TUFT1: variants seen among roughly 807,000 people sequenced by gnomAD.
TUFT1 encodes the protein tuftelin 1.
Under a neutral mutation model 57.8 loss-of-function variants are expected in TUFT1, and 43 were observed. That is an observed-to-expected ratio of 0.74 (90% CI 0.58 to 0.96). TUFT1 has a LOEUF of 0.96. TUFT1 is among the 40% of genes least tolerant of loss of function. The probability of loss-of-function intolerance (pLI) is 0.00; values close to 1 mark genes in which losing one functional copy is unlikely to be tolerated. For synonymous variants in TUFT1, 166 were observed against 176.7 expected (o/e 0.94, Z 0.48); for missense variants, 459 against 489.0 (o/e 0.94, Z 0.58).
chr1:151,557,627 T>A (rs553570620), intron 1 of TUFT1: 1 of 1,056,866 alleles, frequency 9.5e-7, no homozygotes, highest in South Asian at 1.3e-5. Context: ...AAGGAACAGT[T>A]TGCCTGGAGA....
chr1:151,561,128 G>A (rs1484767828), intron 1 of TUFT1, among the ~76,000 whole-genome samples: 1 of 151,802 alleles, frequency 6.6e-6, no homozygotes, highest in Non-Finnish European at 1.5e-5. Flanking sequence ...CGAGTAGCTG[G>A]GACTACAGGC....
chr1:151,575,440 A>G (rs896065443), intron 9 of TUFT1, among the ~76,000 whole-genome samples: 2 of 152,192 alleles, frequency 1.3e-5, no homozygotes, highest in African/African-American at 4.8e-5. Context: ...GAGCAGCTTC[A>G]TGAGGAGATA....
chr1:151,557,596 C>T (rs1665747331), intron 1 of TUFT1: 1 of 1,103,840 alleles, frequency 9.1e-7, no homozygotes, highest in Admixed American at 1.7e-5. Context: ...CATGCAGCCT[C>T]TCAAGTCCCG....
At chr1:151,572,830 T>C (rs1233418571) in intron 7 of TUFT1, among the ~76,000 whole-genome samples, 1 of 152,208 alleles carries the variant, frequency 6.6e-6, no homozygotes, top group African/African-American at 2.4e-5. Flanking sequence ...CCGTACTTTC[T>C]CCTCCCCAGT....
Position 151,560,959 on chromosome 1 carries a change from TGTGTGTGTGTG to T in TUFT1, c.61-1131_61-1121del, listed in dbSNP as rs1558007243. Among the ~76,000 whole-genome samples, 3 of 14,572 alleles carry T rather than the reference TGTGTGTGTGTG, an allele frequency of 2.1e-4. 1 individual carries two copies. The highest frequency in any genetic ancestry group is 5.7e-4 in the Non-Finnish European group (1 of 1,760). 9.6% of individuals were successfully genotyped at this position (14,572 alleles called of 152,430 possible). On this transcript the variant is annotated intron_variant, in intron 1 of 12. Transcript: ENST00000368849. ...TTTTAATTTTCCCTGCAAAGTATTG[TGTGTGTGTGTG>T]TGTGTGTGTGTGTGTGTGTGTGTGT...
intron 7 of TUFT1, among the ~76,000 whole-genome samples, chr1:151,570,599 ATTG>A (rs1666225666): frequency 6.6e-6 from 1 of 152,070 alleles, no homozygotes; most frequent in African/African-American, 2.4e-5. Flanking sequence ...TATATTAATT[ATTG>A]TTATAATACA....
intron 1 of TUFT1, among the ~76,000 whole-genome samples, chr1:151,541,154 G>A (rs1461562489): frequency 6.6e-6 from 1 of 152,074 alleles, no homozygotes; most frequent in Non-Finnish European, 1.5e-5. Flanking sequence ...GTCTCCAGCC[G>A]CCAGGCCCTG....
In TUFT1 at chr1:151,581,631, A is replaced by G. The variant is rs757924831; in HGVS notation, c.1110-13A>G. On this transcript the variant is annotated splice_polypyrimidine_tract_variant and intron_variant, in intron 12 of 12. Transcript: ENST00000368849. ...TTCCCAGCACAACTCAGTGTTTCCA[A>G]CCTTCTTTTCAGTATTAGGATATCC... 1.2e-5 allele frequency: 19 copies of G among 1,613,796 alleles called. No homozygotes were observed. The South Asian group carries it at 1.8e-4, about 15-fold the overall frequency.
Position 151,547,828 on chromosome 1 carries a change from C to A in TUFT1, c.60+7402C>A, listed in dbSNP as rs77943317. Among the ~76,000 whole-genome samples, 236 of 152,324 alleles carry A rather than the reference C, an allele frequency of 1.5e-3. 2 individuals are homozygous for A. Among genetic ancestry groups the A allele is most frequent in the African/African-American group, 5.5e-3 (227 of 41,574 alleles). On this transcript the variant is annotated intron_variant, in intron 1 of 12. Transcript: ENST00000368849. ...GAGCTCACTTCCCTCTACAGACACA[C>A]TGTCACTGCTAGGCCCTAGTGTTTT...
Position 151,562,172 on chromosome 1 carries a change from C to T in TUFT1, c.135+7C>T, listed in dbSNP as rs371147642. 1.3e-4 allele frequency: 209 copies of T among 1,612,652 alleles called. 2 individuals carry two copies. Among genetic ancestry groups the T allele is most frequent in the South Asian group, 8.8e-4 (80 of 90,992 alleles). ...TGAACACATAGCCCAGAAGGTACTGCGGAATTCTGGTGGGCAAGGCCCCCT... is the reference window on the plus strand; with the variant it reads ...TGAACACATAGCCCAGAAGGTACTGTGGAATTCTGGTGGGCAAGGCCCCCT... On this transcript the variant is annotated splice_region_variant and intron_variant, in intron 2 of 12. Coordinates refer to ENST00000368849, the MANE Select transcript of TUFT1 (RefSeq NM_020127.3).
chr1:151,562,544 ATCTCTCTCTC>A (rs34211422), intron 2 of TUFT1, 31 bp from the exon 3 acceptor site: 16 of 1,397,972 alleles, frequency 1.1e-5, no homozygotes, highest in African/African-American at 2.9e-5. Flanking sequence ...TGTCTGAGCC[ATCTCTCTCTC>A]TCTCTCTCTC....
At chr1:151,551,317 C>G (rs1310347184) in intron 1 of TUFT1, among the ~76,000 whole-genome samples, 1 of 152,050 alleles carries the variant, frequency 6.6e-6, no homozygotes, top group Non-Finnish European at 1.5e-5. Flanking sequence ...AACATATCAC[C>G]TGGAACTCAT....
rs750454205 is a variant in TUFT1 at position 151,581,018 on chromosome 1, G to A, written c.1085G>A (p.Arg362Gln). 18 of 1,613,970 alleles carry A rather than the reference G, an allele frequency of 1.1e-5. No homozygotes were observed. The highest frequency in any genetic ancestry group is 8.3e-5 in the Admixed American group (5 of 60,002). ...ISHGNFSTQARAKTENPGSIR... is the reference protein window; with the variant it reads ...ISHGNFSTQAQAKTENPGSIR... ...CATGGCAACTTCAGCACCCAGGCCC[G>A]GGCCAAGACAGAGAACCCGGGCAGG... is the stretch of plus-strand genomic sequence containing the variant. The change falls in exon 12 of 13, where the codon CGG becomes CAG. Residue 362 changes from arginine to glutamine, a missense_variant. By Grantham distance (43) the Arg-to-Gln change is conservative. Coordinates refer to ENST00000368849, the MANE Select transcript of TUFT1 (RefSeq NM_020127.3).
chr1:151,561,467 GCGCGCGCACACACACA>G lies in TUFT1; in HGVS notation c.61-622_61-607del, dbSNP rs3221688. 8.9e-4 allele frequency: 151 copies of G among 170,334 alleles called. 1 individual carries two copies. Among genetic ancestry groups the G allele is most frequent in the South Asian group, 7.0e-3 (31 of 4,398 alleles). The allele number at this position is 170,334 out of a possible 1,614,324, so 10.6% of individuals were successfully genotyped here. ...AGGTTGAGGCTGCAGTCATGCGCGC[GCGCGCGCACACACACA>G]CACACACACACACACACACACACTT... On this transcript the variant is annotated intron_variant, in intron 1 of 12. Coordinates refer to ENST00000368849, the MANE Select transcript of TUFT1 (RefSeq NM_020127.3).
intron 1 of TUFT1, among the ~76,000 whole-genome samples, chr1:151,546,396 C>A (rs956207627): frequency 1.3e-5 from 2 of 152,130 alleles, no homozygotes; most frequent in Admixed American, 6.5e-5. Context: ...AATTCATATA[C>A]CCCATTTAAA....
chr1:151,567,420 G>A (rs141431354), intron 6 of TUFT1, among the ~76,000 whole-genome samples: 24 of 152,186 alleles, frequency 1.6e-4, no homozygotes, highest in African/African-American at 5.3e-4. Context: ...TTTTTGTAAA[G>A]ACAGGGTCTC....
At chr1:151,542,508 A>G (rs895431839) in intron 1 of TUFT1, among the ~76,000 whole-genome samples, 2 of 151,952 alleles carry the variant, frequency 1.3e-5, no homozygotes, top group African/African-American at 4.8e-5. Context: ...TTGGGATTAC[A>G]GGCATGAGCC....
Position 151,580,900 on chromosome 1 carries a change from G to T in TUFT1, c.1009-42G>T, listed in dbSNP as rs757319838. The T allele has an allele frequency of 2.5e-6, 4 of 1,592,496 alleles. No individual in the cohort carries two copies. The South Asian group carries it at 4.4e-5, about 18-fold the overall frequency. ...ACTAGCTGAACGTGGCACCCGGGAA[G>T]CCAGAAAAAGGCCAACTCTAACCCC... On this transcript the variant is annotated intron_variant, in intron 11 of 12. Transcript: ENST00000368849.
At chr1:151,556,362 G>A (rs1665697329) in intron 1 of TUFT1, among the ~76,000 whole-genome samples, 1 of 130,444 alleles carries the variant, frequency 7.7e-6, no homozygotes, top group Non-Finnish European at 1.6e-5. Flanking sequence ...TTCCCTCCCT[G>A]CCTTCCCTTC....
Sources: gnomAD v4.1 joint callset for allele counts (sites outside exome capture counted in the v4.1 genomes callset) on GRCh38, gnomAD v4.1.1 for gene constraint, MANE v1.5 for transcripts, NCBI Gene and HGNC (gene_info 2026-07-23, HGNC 2026-07-21) for gene names.